SLC14A2: variants seen among roughly 807,000 people sequenced by gnomAD.
SLC14A2 encodes the protein solute carrier family 14 member 2.
A neutral mutation model predicts 104.6 loss-of-function variants in SLC14A2; 91 were observed. The ratio of observed to expected loss-of-function variants is 0.87; its 90% CI spans 0.73 to 1.04. The LOEUF (loss-of-function observed/expected upper bound fraction) is 1.04, where lower values mean the gene tolerates loss of function less well. Ranked by LOEUF, SLC14A2 falls within the 50% of genes least tolerant of loss-of-function variation. The probability of loss-of-function intolerance (pLI) is 0.00; values close to 1 mark genes in which losing one functional copy is unlikely to be tolerated. For missense variants in SLC14A2, 1,189 were observed against 1,156.0 expected (o/e 1.03, Z -0.41); for synonymous variants, 476 against 466.4 (o/e 1.02, Z -0.27).
At chr18:45,531,594 A>T (rs1598968150) in intron 2 of SLC14A2, among the ~76,000 whole-genome samples, 2 of 151,918 alleles carry the variant, frequency 1.3e-5, no homozygotes, top group South Asian at 2.1e-4. Flanking sequence ...TAGATTCTGG[A>T]TATTAGTCCT....
chr18:45,674,827 G>T (rs1374723743), intron 18 of SLC14A2, among the ~76,000 whole-genome samples: 1 of 152,164 alleles, frequency 6.6e-6, no homozygotes, highest in Non-Finnish European at 1.5e-5. Flanking sequence ...ATTTAAGGAG[G>T]TGCTTACTCT....
chr18:45,411,883 C>T (rs900003069), intron 1 of SLC14A2, among the ~76,000 whole-genome samples: 2 of 152,110 alleles, frequency 1.3e-5, no homozygotes, highest in African/African-American at 4.8e-5. Flanking sequence ...ATGATTGAGT[C>T]AGTATCAGCC....
At chr18:45,573,899 A>C (rs141678797) in intron 2 of SLC14A2, among the ~76,000 whole-genome samples, 2,382 of 152,364 alleles carry the variant, frequency 0.016, 27 homozygotes, top group Middle Eastern at 0.037. Flanking sequence ...AACCTTATTA[A>C]AATTAAGTAG....
intron 1 of SLC14A2, among the ~76,000 whole-genome samples, chr18:45,353,168 G>A (rs999523222): frequency 5.9e-5 from 9 of 152,184 alleles, no homozygotes; most frequent in African/African-American, 1.4e-4. Context: ...CTAGGTTACC[G>A]TTCGTCCACA....
chr18:45,677,523 C>A (rs886072746), intron 18 of SLC14A2, among the ~76,000 whole-genome samples: 1 of 152,186 alleles, frequency 6.6e-6, no homozygotes, highest in Non-Finnish European at 1.5e-5. Context: ...ACTCTCCATG[C>A]CTGATACTAA....
chr18:45,336,952 A>G lies in SLC14A2; in HGVS notation c.-125+123761A>G, dbSNP rs562095416. Among the ~76,000 whole-genome samples, 13 of 152,122 alleles carry G rather than the reference A, an allele frequency of 8.5e-5. No homozygotes were observed. The South Asian group carries it at 2.5e-3, about 29-fold the overall frequency. On this transcript the variant is annotated intron_variant, in intron 1 of 20. Coordinates refer to the SLC14A2 transcript ENST00000586448. ...GGGTCAGGCTGTTAAAGTGGCTCCA[A>G]TGGAAGGGGAATACATTTCCACACT... is the stretch of plus-strand genomic sequence containing the variant.
chr18:45,555,347 A>G (rs2044117263), intron 2 of SLC14A2, among the ~76,000 whole-genome samples: 1 of 152,174 alleles, frequency 6.6e-6, no homozygotes, highest in South Asian at 2.1e-4. Context: ...TGATTTTTCA[A>G]CTTTCTGATG....
chr18:45,170,463 G>T, the SLC14A2 span, among the ~76,000 whole-genome samples: 1 of 152,184 alleles, frequency 6.6e-6, no homozygotes, highest in African/African-American at 2.4e-5. Flanking sequence ...TGGTAGAAGG[G>T]ATATATAACC....
At chr18:45,395,626 A>G (rs1644810213) in intron 1 of SLC14A2, among the ~76,000 whole-genome samples, 1 of 152,112 alleles carries the variant, frequency 6.6e-6, no homozygotes, top group Admixed American at 6.6e-5. Flanking sequence ...TTTACAGATG[A>G]AAAAAATGAG....
At chr18:45,293,591 A>G (rs1337402601) in intron 1 of SLC14A2, among the ~76,000 whole-genome samples, 1 of 152,012 alleles carries the variant, frequency 6.6e-6, no homozygotes, top group East Asian at 1.9e-4. Flanking sequence ...GTATTTCACA[A>G]CATTAACTTT....
At position 45,639,758 on chromosome 18, in the gene SLC14A2, A is replaced by G. The variant is rs1483415559; in HGVS notation, c.856A>G (p.Ile286Val). ...GTTAACTTTGCAGCTGTTACAAGCCATCCCTGTTGGGGTCGGCCAGGTGTA... is the reference window on the plus strand; with the variant it reads ...GTTAACTTTGCAGCTGTTACAAGCCGTCCCTGTTGGGGTCGGCCAGGTGTA... ...EMEMPLLLQAIPVGVGQVYGC... is the reference protein window; with the variant it reads ...EMEMPLLLQAVPVGVGQVYGC... The change falls in exon 7 of 20, where the codon ATC becomes GTC. Residue 286 changes from isoleucine (I) to valine (V), a missense_variant. Coordinates refer to ENST00000255226, the MANE Select transcript of SLC14A2 (RefSeq NM_007163.4). The G allele has an allele frequency of 1.9e-6, 3 of 1,613,906 alleles. No individual in the cohort carries two copies. Among genetic ancestry groups the G allele is most frequent in the South Asian group, 2.2e-5 (2 of 91,056 alleles).
At chr18:45,444,863 C>CATT (rs1261121146) in intron 1 of SLC14A2, among the ~76,000 whole-genome samples, 1 of 152,162 alleles carries the variant, frequency 6.6e-6, no homozygotes, top group East Asian at 1.9e-4. Flanking sequence ...ACATCAAAGT[C>CATT]ATTAGATCAC....
chr18:45,301,226 C>G (rs2084965690), intron 1 of SLC14A2, among the ~76,000 whole-genome samples: 1 of 152,150 alleles, frequency 6.6e-6, no homozygotes, highest in Non-Finnish European at 1.5e-5. Context: ...AGGAACTCGC[C>G]CAAGGTCATG....
At chr18:45,540,984 G>A (rs967662103) in intron 2 of SLC14A2, among the ~76,000 whole-genome samples, 1 of 152,148 alleles carries the variant, frequency 6.6e-6, no homozygotes, top group Non-Finnish European at 1.5e-5. Flanking sequence ...GAAGGGGTGA[G>A]GCTGAAGGAC....
chr18:45,393,780 C>T (rs1398854827), intron 1 of SLC14A2, among the ~76,000 whole-genome samples: 1 of 152,194 alleles, frequency 6.6e-6, no homozygotes, highest in Non-Finnish European at 1.5e-5. Flanking sequence ...CTACCAGTGA[C>T]TTACCCTTTT....
intron 18 of SLC14A2, among the ~76,000 whole-genome samples, chr18:45,676,298 G>A (rs916449790): frequency 2.6e-5 from 4 of 152,182 alleles, no homozygotes; most frequent in African/African-American, 9.7e-5. Flanking sequence ...TAGGATCGGA[G>A]CAGGTGGCCC....
chr18:45,418,290 T>C (rs1230560949), intron 1 of SLC14A2, among the ~76,000 whole-genome samples: 1 of 152,190 alleles, frequency 6.6e-6, no homozygotes. Flanking sequence ...GGATAGTTAC[T>C]GCACTCTTAA....
At chr18:45,581,931 A>G (rs1285376097) in intron 2 of SLC14A2, among the ~76,000 whole-genome samples, 1 of 152,044 alleles carries the variant, frequency 6.6e-6, no homozygotes, top group African/African-American at 2.4e-5. Flanking sequence ...GTCTTAGTTT[A>G]TTTTCTGTTG....
intron 2 of SLC14A2, among the ~76,000 whole-genome samples, chr18:45,580,333 C>G (rs1370859992): frequency 1.3e-5 from 2 of 152,166 alleles, no homozygotes; most frequent in Non-Finnish European, 2.9e-5. Context: ...GCAGATCTGT[C>G]TTAGCTAAAG....
Sources: allele counts gnomAD v4.1 joint callset (sites outside exome capture counted in the v4.1 genomes callset), GRCh38; gene constraint gnomAD v4.1.1; transcripts MANE v1.5; gene names NCBI Gene and HGNC (gene_info 2026-07-23, HGNC 2026-07-21).